The following RIMS2 variants were observed in gnomAD, a reference collection of about 807,000 sequenced individuals.
RIMS2 encodes the protein regulating synaptic membrane exocytosis protein 2.
Under a neutral mutation model 174.4 loss-of-function variants are expected in RIMS2, and 59 were observed. The observed-to-expected ratio is 0.34, with a 90% confidence interval of 0.27 to 0.42. The LOEUF is 0.42. Among genes scored for constraint, RIMS2 ranks in the 10% least tolerant of loss-of-function variants. The pLI, the probability that RIMS2 is intolerant of heterozygous loss-of-function variation, is 1.00. For synonymous variants in RIMS2, 606 were observed against 572.5 expected (o/e 1.06, Z -0.84); for missense variants, 1,620 against 1,666.3 (o/e 0.97, Z 0.48).
At chr8:103,563,250 A>G (rs532233477) in intron 1 of RIMS2, among the ~76,000 whole-genome samples, 148 of 152,320 alleles carry the variant, frequency 9.7e-4, no homozygotes, top group African/African-American at 3.4e-3. Context: ...CAAATTTTCC[A>G]CACTTTTATG....
chr8:104,174,212 G>T (rs1057115626), intron 19 of RIMS2, among the ~76,000 whole-genome samples: 2 of 152,088 alleles, frequency 1.3e-5, no homozygotes, highest in African/African-American at 4.8e-5. Context: ...CTCCCAAAGT[G>T]CAGGGATTAC....
intron 2 of RIMS2, among the ~76,000 whole-genome samples, chr8:103,755,916 G>A (rs943320505): frequency 6.6e-6 from 1 of 152,114 alleles, no homozygotes; most frequent in African/African-American, 2.4e-5. Context: ...ACCTTCTGAA[G>A]CCTACTTCTG....
intron 16 of RIMS2, 46 bp downstream of exon 18, chr8:103,975,552 A>C: frequency 7.1e-7 from 1 of 1,413,712 alleles, no homozygotes. Flanking sequence ...TGTATTAGTC[A>C]GTGTTCTCCA....
At chr8:103,967,183 T>TTTTTTTTTTG (rs1565580605) in intron 15 of RIMS2, among the ~76,000 whole-genome samples, 61 of 128,430 alleles carry the variant, frequency 4.7e-4, no homozygotes, top group African/African-American at 1.9e-3. Flanking sequence ...TTTTTTTTTT[T>TTTTTTTTTTG]TTTTTTTTTT....
chr8:103,941,255 G>C (rs1565437492), intron 13 of RIMS2, among the ~76,000 whole-genome samples: 1 of 149,744 alleles, frequency 6.7e-6, no homozygotes, highest in African/African-American at 2.4e-5. Flanking sequence ...GCGGAGACAG[G>C]GGGATAGCTT....
intron 2 of RIMS2, among the ~76,000 whole-genome samples, chr8:103,718,477 G>T (rs2138306244): frequency 6.6e-6 from 1 of 152,308 alleles, no homozygotes; most frequent in South Asian, 2.1e-4. Flanking sequence ...ACTGGGCCAT[G>T]ATGGTAAGAT....
intron 1 of RIMS2, among the ~76,000 whole-genome samples, chr8:103,591,463 G>C (rs2094254265): frequency 6.6e-6 from 1 of 150,660 alleles, no homozygotes; most frequent in Non-Finnish European, 1.5e-5. Context: ...TTGTCTCTGT[G>C]TTTTTTCTAG....
At chr8:104,133,261 G>A (rs1419989838) in intron 19 of RIMS2, among the ~76,000 whole-genome samples, 1 of 152,178 alleles carries the variant, frequency 6.6e-6, no homozygotes, top group African/African-American at 2.4e-5. Flanking sequence ...TGGCTAAAGA[G>A]TTGTTTACAA....
At chr8:103,576,152 G>A (rs538287475) in intron 1 of RIMS2, among the ~76,000 whole-genome samples, 2 of 152,318 alleles carry the variant, frequency 1.3e-5, no homozygotes, top group African/African-American at 4.8e-5. Context: ...TCCCTAGCCA[G>A]CCTTCCCACA....
chr8:104,041,512 AT>A (rs1013623763), intron 19 of RIMS2, among the ~76,000 whole-genome samples, 154 bp downstream of exon 22: 2 of 151,818 alleles, frequency 1.3e-5, no homozygotes, highest in Non-Finnish European at 3.0e-5. Flanking sequence ...GTATTTGTGT[AT>A]TCAACTATCA....
At chr8:103,708,484 C>CT (rs1195509199) in intron 2 of RIMS2, among the ~76,000 whole-genome samples, 2 of 152,136 alleles carry the variant, frequency 1.3e-5, no homozygotes, top group African/African-American at 4.8e-5. Flanking sequence ...TGTGATCTCT[C>CT]ATGTGATGTT....
chr8:104,001,346 C>T (rs1185562568), intron 17 of RIMS2, among the ~76,000 whole-genome samples: 2 of 151,756 alleles, frequency 1.3e-5, no homozygotes, highest in African/African-American at 4.8e-5. Context: ...TAACAGTACC[C>T]CATAAATATG....
At chr8:103,553,343 A>G (rs1193832618) in intron 1 of RIMS2, among the ~76,000 whole-genome samples, 1 of 152,116 alleles carries the variant, frequency 6.6e-6, no homozygotes, top group African/African-American at 2.4e-5. Flanking sequence ...AACTATCACA[A>G]GGACAGAAAA....
chr8:104,013,726 T>A, intron 18 of RIMS2, 105 bp downstream of exon 20: 1 of 865,084 alleles, frequency 1.2e-6, no homozygotes, highest in Non-Finnish European at 1.9e-6. Flanking sequence ...GGCTGATCAC[T>A]AGTAACAATC....
At chr8:103,841,819 A>G (rs2098941423) in intron 3 of RIMS2, among the ~76,000 whole-genome samples, 1 of 152,014 alleles carries the variant, frequency 6.6e-6, no homozygotes, top group Admixed American at 6.6e-5. Flanking sequence ...GCCGGGTGTG[A>G]TGGCACACAC....
intron 1 of RIMS2, among the ~76,000 whole-genome samples, chr8:103,613,801 C>T (rs376003122): frequency 9.0e-4 from 137 of 152,260 alleles, no homozygotes; most frequent in African/African-American, 3.2e-3. Context: ...TCAAGACACA[C>T]TCATGGTCCT....
chr8:104,030,244 G>A (rs568852636), intron 19 of RIMS2, among the ~76,000 whole-genome samples: 19 of 152,222 alleles, frequency 1.2e-4, no homozygotes, highest in African/African-American at 4.3e-4. Context: ...CCAGCTACTC[G>A]GGAAGCTGAA....
chr8:104,194,274 TG>T (rs2099012582), intron 19 of RIMS2, among the ~76,000 whole-genome samples: 1 of 152,192 alleles, frequency 6.6e-6, no homozygotes, highest in Non-Finnish European at 1.5e-5. Flanking sequence ...GCAAGCTTTC[TG>T]CAAATAGTTT....
At chr8:103,557,968 A>G (rs759908878) in intron 1 of RIMS2, among the ~76,000 whole-genome samples, 2 of 152,238 alleles carry the variant, frequency 1.3e-5, no homozygotes, top group Non-Finnish European at 2.9e-5. Flanking sequence ...TAAAATTAAA[A>G]TTTAAGATTG....
Sources: allele counts gnomAD v4.1 joint callset (sites outside exome capture counted in the v4.1 genomes callset), GRCh38; gene constraint gnomAD v4.1.1; transcripts MANE v1.5; gene names NCBI Gene and HGNC (gene_info 2026-07-23, HGNC 2026-07-21).